NCOA7: variants seen among roughly 807,000 people sequenced by gnomAD.
The protein encoded by NCOA7 is 140 kDa estrogen receptor-associated protein.
A neutral mutation model predicts 104.3 loss-of-function variants in NCOA7; 45 were observed. The ratio of observed to expected loss-of-function variants is 0.43; its 90% confidence interval spans 0.34 to 0.55. NCOA7 has a LOEUF of 0.55. Among genes scored for constraint, NCOA7 ranks in the 20% least tolerant of loss-of-function variants. The pLI, the probability that NCOA7 is intolerant of heterozygous loss-of-function variation, is 0.02. For synonymous variants in NCOA7, 398 were observed against 402.3 expected (o/e 0.99, Z 0.13); for missense variants, 1,041 against 1,119.7 (o/e 0.93, Z 1.00).
At position 125,865,331 on chromosome 6, in the gene NCOA7, T is replaced by G. The variant is rs991103680; in HGVS notation, c.272-9558T>G. On this transcript the variant is annotated intron_variant, in intron 3 of 15. Coordinates refer to ENST00000392477, the MANE Select transcript of NCOA7 (RefSeq NM_181782.5). Reference sequence around the variant, plus strand: ...ACTTCCCTGTGCTTTAAGCCTTGCATTTTAGATTTTAGCACAGTATGACTC... The same window carrying G: ...ACTTCCCTGTGCTTTAAGCCTTGCAGTTTAGATTTTAGCACAGTATGACTC... Among the ~76,000 whole-genome samples, 4 of 137,836 alleles carry G rather than the reference T, an allele frequency of 2.9e-5. 1 individual carries two copies. The highest frequency in any genetic ancestry group is 1.2e-4 in the African/African-American group (4 of 32,910). 90.4% of individuals were successfully genotyped at this position (137,836 alleles called of 152,430 possible).
At chr6:125,901,844 C>T (rs1230092330) in intron 10 of NCOA7, among the ~76,000 whole-genome samples, 1 of 152,120 alleles carries the variant, frequency 6.6e-6, no homozygotes, top group Non-Finnish European at 1.5e-5. Flanking sequence ...AAGTGGCTTT[C>T]AGTGGGATGG....
At chr6:125,876,237 C>T (rs560378492) in intron 4 of NCOA7, among the ~76,000 whole-genome samples, 18 of 152,312 alleles carry the variant, frequency 1.2e-4, no homozygotes, top group African/African-American at 4.1e-4. Flanking sequence ...TGTAGAGTCA[C>T]ATTGAAGATC....
intron 2 of NCOA7, among the ~76,000 whole-genome samples, chr6:125,823,488 G>A (rs1171775538): frequency 6.6e-6 from 1 of 152,166 alleles, no homozygotes; most frequent in Non-Finnish European, 1.5e-5. Flanking sequence ...ACTGTTGTAT[G>A]AGCCGTGATG....
At chr6:125,875,429 C>G (rs1783282606) in intron 4 of NCOA7, 1 of 153,174 alleles carries the variant, frequency 6.5e-6, no homozygotes, top group African/African-American at 2.4e-5. Flanking sequence ...GGGACTACCA[C>G]TTTTAGGTCA....
intron 1 of NCOA7, among the ~76,000 whole-genome samples, chr6:125,797,245 G>T (rs1040443732): frequency 5.3e-5 from 8 of 152,046 alleles, no homozygotes; most frequent in African/African-American, 1.9e-4. Context: ...TGGAGAGAGT[G>T]GTCCAATCTA....
intron 11 of NCOA7, among the ~76,000 whole-genome samples, chr6:125,915,730 T>C (rs1440462447): frequency 6.6e-6 from 1 of 152,046 alleles, no homozygotes; most frequent in Non-Finnish European, 1.5e-5. Flanking sequence ...CATAGCTCCA[T>C]GCCTTAGTTC....
In NCOA7 at chr6:125,811,071, A is replaced by C. The variant is rs189392229; in HGVS notation, c.-64-4220A>C. 3.3e-5 allele frequency among the ~76,000 whole-genome samples: 5 copies of C among 152,326 alleles called. No individual in the cohort carries two copies. The East Asian group carries it at 7.7e-4, about 24-fold the overall frequency. On this transcript the variant is annotated intron_variant, in intron 1 of 15. Coordinates refer to ENST00000392477, the MANE Select transcript of NCOA7 (RefSeq NM_181782.5). ...TTATTCATGACTGGAAATTTAATAG[A>C]AATCATTGCTTTTGTAACATGTAGG...
At chr6:125,804,057 C>T (rs1331720799) in intron 1 of NCOA7, among the ~76,000 whole-genome samples, 1 of 152,038 alleles carries the variant, frequency 6.6e-6, no homozygotes, top group African/African-American at 2.4e-5. Context: ...CAGTGATTCA[C>T]ATTGGCACAT....
chr6:125,839,528 G>A (rs1466946775), intron 2 of NCOA7, among the ~76,000 whole-genome samples: 1 of 152,142 alleles, frequency 6.6e-6, no homozygotes, highest in African/African-American at 2.4e-5. Context: ...CTTTCTGGTG[G>A]CTAGACCCCA....
At chr6:125,885,791 A>G (rs1784206811) in intron 8 of NCOA7, among the ~76,000 whole-genome samples, 1 of 152,188 alleles carries the variant, frequency 6.6e-6, no homozygotes, top group African/African-American at 2.4e-5. Context: ...TCAGTCCTGC[A>G]TGGAGAGGGG....
chr6:125,849,067 G>A (rs567273276), intron 2 of NCOA7, among the ~76,000 whole-genome samples: 25 of 152,300 alleles, frequency 1.6e-4, no homozygotes, highest in African/African-American at 5.5e-4. Context: ...AGTACCTAAT[G>A]TGTGCCATGT....
At chr6:125,843,953 G>A (rs1003655076) in intron 2 of NCOA7, among the ~76,000 whole-genome samples, 1 of 152,184 alleles carries the variant, frequency 6.6e-6, no homozygotes, top group Non-Finnish European at 1.5e-5. Flanking sequence ...TTTTGATCCT[G>A]GTACTGGGGG....
At chr6:125,846,872 T>A (rs1780664286) in intron 2 of NCOA7, among the ~76,000 whole-genome samples, 1 of 152,210 alleles carries the variant, frequency 6.6e-6, no homozygotes, top group Non-Finnish European at 1.5e-5. Flanking sequence ...CTCATTGGGC[T>A]TTTGTGAGGA....
chr6:125,843,309 G>A (rs971320705), intron 2 of NCOA7, among the ~76,000 whole-genome samples: 4 of 152,114 alleles, frequency 2.6e-5, no homozygotes, highest in Non-Finnish European at 5.9e-5. Flanking sequence ...AGCAAGAAAA[G>A]AACCTCTAAT....
rs57168444 is a variant in NCOA7 at position 125,840,868 on chromosome 6, G to GTTTTTTTT, written c.51-14117_51-14110dup. On this transcript the variant is annotated intron_variant, in intron 2 of 15. Transcript: ENST00000392477. The stretch of plus-strand genomic sequence containing the variant: ...TTTTATGGTTTTTTTTGTTTGGTTG[G>GTTTTTTTT]TTTTTTTTTTTTTTTTTTTTTTTTT... Among the ~76,000 whole-genome samples the GTTTTTTTT allele has an allele frequency of 1.2e-3, 48 of 40,374 alleles. 7 individuals carry two copies. Among genetic ancestry groups the GTTTTTTTT allele is most frequent in the Non-Finnish European group, 1.5e-3 (35 of 23,448 alleles). The allele number at this position is 40,374 out of a possible 152,430, so 26.5% of individuals were successfully genotyped here. A position where few individuals can be genotyped will look rare whatever the true frequency, so the allele number is the denominator to read the frequency against.
intron 11 of NCOA7, chr6:125,919,465 T>A (rs1185181621): frequency 6.3e-7 from 1 of 1,599,712 alleles, no homozygotes; most frequent in African/African-American, 1.3e-5. Context: ...GCTAATAAGG[T>A]GCTGGTGAAT....
intron 3 of NCOA7, among the ~76,000 whole-genome samples, chr6:125,867,461 A>T (rs1480117706): frequency 6.6e-6 from 1 of 152,216 alleles, no homozygotes; most frequent in Non-Finnish European, 1.5e-5. Flanking sequence ...GGTGTACTTT[A>T]GGAGAGGTTA....
intron 3 of NCOA7, among the ~76,000 whole-genome samples, chr6:125,868,961 C>T (rs1782654460): frequency 6.6e-6 from 1 of 152,150 alleles, no homozygotes; most frequent in Non-Finnish European, 1.5e-5. Flanking sequence ...AGTTTAAGCC[C>T]CATGCAGAAC....
intron 2 of NCOA7, among the ~76,000 whole-genome samples, chr6:125,850,144 A>T (rs1780995732): frequency 6.6e-6 from 1 of 152,218 alleles, no homozygotes; most frequent in African/African-American, 2.4e-5. Flanking sequence ...CAAATTTCTC[A>T]GGTTGGCAGC....
Sources: allele counts gnomAD v4.1 joint callset (sites outside exome capture counted in the v4.1 genomes callset), GRCh38; gene constraint gnomAD v4.1.1; transcripts MANE v1.5; gene names NCBI Gene and HGNC (gene_info 2026-07-23, HGNC 2026-07-21).